COL11A1: variants seen among roughly 807,000 people sequenced by gnomAD.
The protein encoded by COL11A1 is collagen type XI alpha 1 chain.
In COL11A1, 74 loss-of-function variants were observed where a neutral mutation model predicts 265.2. That is an observed-to-expected ratio of 0.28 (90% CI 0.23 to 0.34). The LOEUF is 0.34. Ranked by LOEUF, COL11A1 falls within the 10% of genes least tolerant of loss-of-function variation. COL11A1 has a pLI of 1.00. For missense variants in COL11A1, 2,165 were observed against 2,263.6 expected (o/e 0.96, Z 0.88); for synonymous variants, 816 against 727.6 (o/e 1.12, Z -1.96).
At chr1:103,082,452 C>T (rs1672490407) in intron 2 of COL11A1, among the ~76,000 whole-genome samples, 2 of 151,970 alleles carry the variant, frequency 1.3e-5, no homozygotes, top group Non-Finnish European at 2.9e-5. Flanking sequence ...GATGAATAAG[C>T]TCTACCTAAT....
At chr1:102,974,420 A>C (rs1662269405) in intron 36 of COL11A1, among the ~76,000 whole-genome samples, 2 of 152,154 alleles carry the variant, frequency 1.3e-5, no homozygotes, top group African/African-American at 4.8e-5. Flanking sequence ...GCATGACTTA[A>C]GTAATATCAC....
At position 103,026,237 on chromosome 1, in the gene COL11A1, C is replaced by T. The variant is rs768795702; in HGVS notation, c.876G>A (p.Glu292=). ...TTACCTCCGTCTGTGCTATTGTCTC[C>T]TCAGTTACAGTGGGTCCCTCTGTTA... ...ESVTEGPTVT[E]ETIAQTEANI... is the part of the protein sequence containing the mutation. Residue 292 remains glutamate (E), a synonymous_variant, in exon 6 of 67, where the codon GAG becomes GAA. Transcript: ENST00000370096. 7.4e-6 allele frequency: 12 copies of T among 1,612,604 alleles called. No homozygotes were observed. Among genetic ancestry groups the T allele is most frequent in the East Asian group, 2.2e-5 (1 of 44,864 alleles).
At chr1:103,077,061 A>T (rs1391902042) in intron 3 of COL11A1, among the ~76,000 whole-genome samples, 1 of 152,088 alleles carries the variant, frequency 6.6e-6, no homozygotes. Context: ...CATTTAATAA[A>T]TTGTTATTGA....
At chr1:102,952,242 G>A (rs150278621) in intron 41 of COL11A1, among the ~76,000 whole-genome samples, 2 of 151,828 alleles carry the variant, frequency 1.3e-5, no homozygotes, top group African/African-American at 4.8e-5. Context: ...GAGACTACAG[G>A]CACCCGCCAC....
chr1:102,905,454 A>T lies in COL11A1; in HGVS notation c.4087-6460T>A, dbSNP rs115149067. The stretch of plus-strand genomic sequence containing the variant: ...AAAGGAAGAAAAGAAGGAGGGAGGG[A>T]GGAAGGAAAATTAGTGGTGCCTTTA... On this transcript the variant is annotated intron_variant, in intron 54 of 66. Transcript: ENST00000370096. 2.1e-3 allele frequency among the ~76,000 whole-genome samples: 314 copies of T among 149,730 alleles called. 1 individual carries two copies. The highest frequency in any genetic ancestry group is 3.8e-3 in the Non-Finnish European group (257 of 67,434).
intron 46 of COL11A1, among the ~76,000 whole-genome samples, chr1:102,928,869 G>GT (rs1656987523): frequency 8.3e-6 from 1 of 120,098 alleles, no homozygotes; most frequent in African/African-American, 2.7e-5. Flanking sequence ...TTTTTCATGT[G>GT]TTTTTTGGCT....
chr1:102,975,462 T>C (rs1662378799), intron 35 of COL11A1, among the ~76,000 whole-genome samples: 1 of 152,132 alleles, frequency 6.6e-6, no homozygotes. Flanking sequence ...TATAAATTTC[T>C]TTTGTAGATA....
intron 1 of COL11A1, among the ~76,000 whole-genome samples, chr1:103,087,965 C>A (rs768854437): frequency 3.9e-5 from 6 of 151,982 alleles, no homozygotes; most frequent in Non-Finnish European, 7.4e-5. Context: ...TATCTAGTGT[C>A]GAAATTAAAT....
At chr1:103,048,185 C>A (rs1359765697) in intron 4 of COL11A1, among the ~76,000 whole-genome samples, 1 of 152,128 alleles carries the variant, frequency 6.6e-6, no homozygotes, top group African/African-American at 2.4e-5. Flanking sequence ...ATGGTACCAG[C>A]TCCTCCTTGT....
chr1:102,899,597 A>G (rs924130564), intron 54 of COL11A1, among the ~76,000 whole-genome samples: 4 of 152,186 alleles, frequency 2.6e-5, no homozygotes, highest in Non-Finnish European at 5.9e-5. Flanking sequence ...TTGAAAAAAA[A>G]ATTACACTTT....
chr1:102,899,892 T>G (rs2100931964), intron 54 of COL11A1, among the ~76,000 whole-genome samples: 1 of 152,244 alleles, frequency 6.6e-6, no homozygotes, highest in East Asian at 1.9e-4. Flanking sequence ...CCCAGCCTTT[T>G]ATATCGTATT....
chr1:103,025,845 C>T, intron 6 of COL11A1: 1 of 1,613,432 alleles, frequency 6.2e-7, no homozygotes, highest in African/African-American at 1.3e-5. Flanking sequence ...AACTTTTCTT[C>T]TTCTTGGATG....
At chr1:102,938,383 A>G (rs1557847022) in intron 44 of COL11A1, among the ~76,000 whole-genome samples, 1 of 66,810 alleles carries the variant, frequency 1.5e-5, no homozygotes, top group East Asian at 1.1e-3. Context: ...CTTAAAGGGA[A>G]AAAAAAATTA....
intron 41 of COL11A1, 101 bp from the exon 42 acceptor site, chr1:102,947,057 TAAAG>T: frequency 1.0e-6 from 1 of 976,544 alleles, no homozygotes; most frequent in South Asian, 1.4e-5. Flanking sequence ...TAAATTATGT[TAAAG>T]AAACATTTAG....
intron 4 of COL11A1, among the ~76,000 whole-genome samples, chr1:103,053,165 C>T (rs752979180): frequency 1.3e-5 from 2 of 152,116 alleles, no homozygotes; most frequent in Non-Finnish European, 2.9e-5. Flanking sequence ...AGGGCAATGC[C>T]CCTTTTAGAG....
rs1667095674 is a variant in COL11A1, at chr1:103,021,769, T to C, written c.1246A>G (p.Ile416Val). 1.2e-6 allele frequency: 2 copies of C among 1,606,080 alleles called. No homozygotes were observed. Among genetic ancestry groups the C allele is most frequent in the Non-Finnish European group, 1.7e-6 (2 of 1,172,672 alleles). ...PAETDITETS[I>V]NGHGAYGEKG... is the part of the protein sequence containing the mutation. ...TCTCCATATGCACCATGGCCATTTA[T>C]CTGTTGAATGAAATATTCAAAACAG... The change falls in exon 9 of 67, where the codon ATA (isoleucine) becomes GTA (valine). Residue 416 changes from isoleucine (I) to valine (V), a missense_variant and splice_region_variant. Physicochemically the swap from Ile to Val is conservative, Grantham distance 29. Transcript: ENST00000370096.
At position 103,070,004 on chromosome 1, in the gene COL11A1, CT is replaced by C. The variant is rs942319876; in HGVS notation, c.651+4613del. Among the ~76,000 whole-genome samples the C allele has an allele frequency of 7.3e-5, 11 of 150,288 alleles. No homozygotes were observed. The South Asian group carries it at 8.4e-4, about 11-fold the overall frequency. On this transcript the variant is annotated intron_variant, in intron 4 of 66. Coordinates refer to ENST00000370096, the MANE Select transcript of COL11A1 (RefSeq NM_001854.4). Reference sequence around the variant, plus strand: ...CTTTGAAAAATAGTTTGATAATTTTCTTTTTTTTTAATGTTAATCATGAACC... The same window carrying C: ...CTTTGAAAAATAGTTTGATAATTTTCTTTTTTTTAATGTTAATCATGAACC...
In COL11A1 at chr1:103,054,604, A is replaced by G. The variant is rs1190724287; in HGVS notation, c.651+20014T>C. Among the ~76,000 whole-genome samples, 8 of 124,388 alleles carry G rather than the reference A, an allele frequency of 6.4e-5. No individual in the cohort carries two copies. The East Asian group carries it at 1.4e-3, about 21-fold the overall frequency. 81.6% of individuals were successfully genotyped at this position (124,388 alleles called of 152,430 possible). A position where few individuals can be genotyped will look rare whatever the true frequency, so the allele number is the denominator to read the frequency against. On this transcript the variant is annotated intron_variant, in intron 4 of 66. Coordinates refer to ENST00000370096, the MANE Select transcript of COL11A1 (RefSeq NM_001854.4). ...TGTTGTTGTTGTTTCTAAAAAAAAG[A>G]AAAAAAAAGCCAACAGGTCAGGCAC...
chr1:103,076,069 C>T (rs1393220426), intron 3 of COL11A1, among the ~76,000 whole-genome samples: 1 of 151,992 alleles, frequency 6.6e-6, no homozygotes, highest in Non-Finnish European at 1.5e-5. Flanking sequence ...GATTAGAACT[C>T]TAAACTTGAT....
Sources: gnomAD v4.1 joint callset for allele counts (sites outside exome capture counted in the v4.1 genomes callset) on GRCh38, gnomAD v4.1.1 for gene constraint, MANE v1.5 for transcripts, NCBI Gene and HGNC (gene_info 2026-07-23, HGNC 2026-07-21) for gene names.